The following PLCXD1 variants were observed in gnomAD, a reference collection of about 807,000 sequenced individuals.
PLCXD1 encodes phosphatidylinositol specific phospholipase C X domain containing 1.
In PLCXD1, 45 loss-of-function variants were observed where a neutral mutation model predicts 37.8. That is an observed-to-expected ratio of 1.19 (90% confidence interval 0.94 to 1.53). The LOEUF (loss-of-function observed/expected upper bound fraction) is 1.53. Among genes scored for constraint, PLCXD1 ranks in the 40% most tolerant of loss-of-function variants. PLCXD1 has a pLI of 0.00. For synonymous variants in PLCXD1, 246 were observed against 206.9 expected (o/e 1.19, Z -1.62); for missense variants, 539 against 454.7 (o/e 1.19, Z -1.69).
At chrX:287,407 A>G (rs1368775545) in intron 2 of PLCXD1, among the ~76,000 whole-genome samples, 1 of 142,802 alleles carries the variant, frequency 7.0e-6, no homozygotes, top group East Asian at 2.0e-4. Flanking sequence ...TTATGTAAAT[A>G]TATACTAATA....
At chrX:285,201 GGT>G (rs955717574) in intron 2 of PLCXD1, among the ~76,000 whole-genome samples, 126 of 151,512 alleles carry the variant, frequency 8.3e-4, no homozygotes, top group African/African-American at 2.8e-3. Context: ...CACACACACA[GGT>G]GTACACACAT....
At chrX:295,840 T>C (rs2069789294) in intron 6 of PLCXD1, among the ~76,000 whole-genome samples, 1 of 151,200 alleles carries the variant, frequency 6.6e-6, no homozygotes, top group Admixed American at 6.6e-5. Flanking sequence ...AATTTTTTTG[T>C]TTGTGTGTTT....
intron 1 of PLCXD1, among the ~76,000 whole-genome samples, chrX:282,613 G>C (rs1293574185): frequency 1.3e-5 from 2 of 151,056 alleles, no homozygotes; most frequent in Admixed American, 1.3e-4. Flanking sequence ...GCTGAGGCAG[G>C]AGAATTGCTT....
intron 3 of PLCXD1, among the ~76,000 whole-genome samples, chrX:290,429 CAAA>C (rs56084430): frequency 1.2e-4 from 15 of 126,278 alleles, no homozygotes; most frequent in South Asian, 2.7e-4. Context: ...GACTCCGTCT[CAAA>C]AAAAAAAAAA....
rs932252293 is a variant in PLCXD1 at position 286,086 on chromosome X, C to T, written c.127+1772C>T. Among the ~76,000 whole-genome samples the T allele has an allele frequency of 7.3e-5, 11 of 150,952 alleles. No homozygotes were observed. The East Asian group carries it at 9.7e-4, about 13-fold the overall frequency. ...TGAGGTTAATTTTTTTTTTTTGAGA[C>T]GGAGTTTTGCTCTTATCGCCCAGGC... On this transcript the variant is annotated intron_variant, in intron 2 of 6. Transcript: ENST00000381657.
At position 293,199 on chromosome X, in the gene PLCXD1, G is replaced by A; in HGVS notation, c.714G>A (p.Met238Ile). The A allele has an allele frequency of 6.2e-7, 1 of 1,610,974 alleles. No homozygotes were observed. Among genetic ancestry groups the A allele is most frequent in the South Asian group, 1.1e-5 (1 of 90,976 alleles). The change falls in exon 6 of 7, where the codon ATG (methionine) becomes ATA (isoleucine). Residue 238 changes from methionine (M) to isoleucine (I), a missense_variant. By Grantham distance (10) the Met-to-Ile change is conservative. Coordinates refer to ENST00000381657, the MANE Select transcript of PLCXD1 (RefSeq NM_018390.4). ...CCCTCATCCGATACCTGGAGACCAT[G>A]AAGAGCTGCGGCCGCCCAGGTACCA... ...TEALIRYLETMKSCGRPGGLF... is the reference protein window; with the variant it reads ...TEALIRYLETIKSCGRPGGLF...
intron 1 of PLCXD1, chrX:283,756 G>A (rs1168624945): frequency 1.8e-5 from 3 of 164,628 alleles, no homozygotes; most frequent in African/African-American, 7.2e-5. Flanking sequence ...CTAAAGGCTC[G>A]CATTTGCATA....
rs144416094 is a variant in PLCXD1, at chrX:293,782, C to T, written c.733+564C>T. 3.8e-3 allele frequency among the ~76,000 whole-genome samples: 583 copies of T among 152,250 alleles called. 6 individuals carry two copies. Among genetic ancestry groups the T allele is most frequent in the African/African-American group, 0.013 (554 of 41,542 alleles). ...GAGAGAAGCCAGACACAAAAGGACA[C>T]GTAGTGTGTGAATCCATTTACAGGA... On this transcript the variant is annotated intron_variant, in intron 6 of 6. Coordinates refer to ENST00000381657, the MANE Select transcript of PLCXD1 (RefSeq NM_018390.4).
chrX:297,858 T>A (rs2069867499), intron 6 of PLCXD1, among the ~76,000 whole-genome samples: 1 of 13,752 alleles, frequency 7.3e-5, no homozygotes, highest in Non-Finnish European at 1.1e-4. Flanking sequence ...CATTATTCTG[T>A]CTATCACATG....
chrX:282,981 AAT>A (rs762209767), intron 1 of PLCXD1, among the ~76,000 whole-genome samples: 12 of 146,104 alleles, frequency 8.2e-5, no homozygotes, highest in South Asian at 6.3e-4. Context: ...TTATATGTAT[AAT>A]ATATATTATA....
chrX:285,276 G>A (rs1569564416), intron 2 of PLCXD1, among the ~76,000 whole-genome samples: 1 of 151,914 alleles, frequency 6.6e-6, no homozygotes, highest in Non-Finnish European at 1.5e-5. Context: ...ATGCACATAG[G>A]CTCATACACA....
chrX:282,960 A>G (rs942057461), intron 1 of PLCXD1, among the ~76,000 whole-genome samples: 4 of 146,064 alleles, frequency 2.7e-5, no homozygotes, highest in East Asian at 2.0e-4. Flanking sequence ...TATATATTAT[A>G]TATGTATATA....
rs943988293 is a variant in PLCXD1, at chrX:282,824, A to G, written c.-22+1140A>G. Reference sequence around the variant, plus strand: ...TCACTTCCCTTATTTTCAACAGTATATTATATATATATACTTATATATGTA... The same window carrying G: ...TCACTTCCCTTATTTTCAACAGTATGTTATATATATATACTTATATATGTA... On this transcript the variant is annotated intron_variant, in intron 1 of 6. Coordinates refer to ENST00000381657, the MANE Select transcript of PLCXD1 (RefSeq NM_018390.4). Among the ~76,000 whole-genome samples the G allele has an allele frequency of 1.7e-4, 25 of 147,686 alleles. 1 individual carries two copies. The highest frequency in any genetic ancestry group is 5.9e-4 in the African/African-American group (24 of 40,600).
intron 6 of PLCXD1, 88 bp downstream of exon 6, chrX:293,306 C>G (rs769460629): frequency 1.0e-6 from 1 of 979,252 alleles, no homozygotes; most frequent in Non-Finnish European, 1.6e-6. Flanking sequence ...CTTGCCTTCA[C>G]TTTTACGTGA....
At position 293,070 on chromosome X, in the gene PLCXD1, C is replaced by A. The variant is rs1269314799; in HGVS notation, c.585C>A (p.Gly195=). The change falls in exon 6 of 7, where the codon GGC becomes GGA. Residue 195 remains glycine, a synonymous_variant. Coordinates refer to ENST00000381657, the MANE Select transcript of PLCXD1 (RefSeq NM_018390.4). ...VPTLRQLWSR[G]QQVIVSYEDE... is the part of the protein sequence containing the mutation. ...CACTGCGGCAGCTGTGGTCCCGGGGCCAACAGGTCATCGTCTCCTATGAAG... is the reference window on the plus strand; with the variant it reads ...CACTGCGGCAGCTGTGGTCCCGGGGACAACAGGTCATCGTCTCCTATGAAG... 7.4e-6 allele frequency: 12 copies of A among 1,610,966 alleles called. No individual in the cohort carries two copies. The highest frequency in any genetic ancestry group is 1.3e-5 in the African/African-American group (1 of 74,842).
chrX:290,744 G>C lies in PLCXD1; in HGVS notation c.361G>C (p.Val121Leu), dbSNP rs151290083. 5 of 1,613,822 alleles carry C rather than the reference G, an allele frequency of 3.1e-6. No individual in the cohort carries two copies. Among genetic ancestry groups the C allele is most frequent in the East Asian group, 2.2e-5 (1 of 44,868 alleles). The change falls in exon 4 of 7, where the codon GTC (valine) becomes CTC (leucine). Residue 121 changes from valine to leucine, a missense_variant. Coordinates refer to ENST00000381657, the MANE Select transcript of PLCXD1 (RefSeq NM_018390.4). ...LEGSEKNLHFVHMVYTTALVE... is the reference protein window; with the variant it reads ...LEGSEKNLHFLHMVYTTALVE... ...GGGCTCGGAGAAGAACCTGCACTTT[G>C]TCCATATGGTGTACACAACGGCGCT...
rs200653719 is a variant in PLCXD1 at position 284,470 on chromosome X, CACAT to C, written c.127+160_127+163del. 8.1e-3 allele frequency among the ~76,000 whole-genome samples: 1,227 copies of C among 152,274 alleles called. 12 individuals are homozygous for C. Among genetic ancestry groups the C allele is most frequent in the Non-Finnish European group, 0.013 (876 of 68,020 alleles). ...TAGAAAGCACACTGATGTGGACACA[CACAT>C]ACACACAGTGCACACGTGTGTGCAT... On this transcript the variant is annotated intron_variant, in intron 2 of 6. Coordinates refer to ENST00000381657, the MANE Select transcript of PLCXD1 (RefSeq NM_018390.4).
chrX:282,402 C>CA (rs60605627), intron 1 of PLCXD1, among the ~76,000 whole-genome samples: 28 of 149,010 alleles, frequency 1.9e-4, no homozygotes, highest in East Asian at 1.0e-3. Flanking sequence ...CAAAACAAAA[C>CA]AAAAAAAAAA....
rs182077189 is a variant in PLCXD1, at chrX:286,137, T to A, written c.127+1823T>A. On this transcript the variant is annotated intron_variant, in intron 2 of 6. Transcript: ENST00000381657. ...TCGAGTGCAGTGGCTCCACCTCAGC[T>A]CATCGCAACCTCTGCCTCCTGGGTT... Among the ~76,000 whole-genome samples the A allele has an allele frequency of 2.4e-3, 368 of 152,022 alleles. 1 individual carries two copies. Among genetic ancestry groups the A allele is most frequent in the African/African-American group, 8.6e-3 (355 of 41,460 alleles).
Sources: allele counts gnomAD v4.1 joint callset (sites outside exome capture counted in the v4.1 genomes callset), GRCh38; gene constraint gnomAD v4.1.1; transcripts MANE v1.5; gene names NCBI Gene and HGNC (gene_info 2026-07-23, HGNC 2026-07-21).